LYZL2: variants seen among roughly 807,000 people sequenced by gnomAD.
LYZL2 encodes the protein lysozyme like 2.
LYZL2 carries 13 observed loss-of-function variants against 17.1 expected under a neutral mutation model. The observed-to-expected ratio is 0.76, with a 90% CI of 0.49 to 1.21. LYZL2 has a LOEUF of 1.21. Ranked by LOEUF, LYZL2 falls within the 50% of genes most tolerant of loss-of-function variation. LYZL2 has a pLI of 0.00. For synonymous variants in LYZL2, 63 were observed against 74.4 expected, an observed-to-expected ratio of 0.85 and a Z score of 0.79; for missense variants, 166 against 189.2, an observed-to-expected ratio of 0.88 and a Z score of 0.72.
chr10:30,621,890 A>G (rs1024389510), intron 3 of LYZL2, among the ~76,000 whole-genome samples: 3 of 152,216 alleles, frequency 2.0e-5, no homozygotes, highest in African/African-American at 7.2e-5. Context: ...AATTTATTTA[A>G]AAGACAATTG....
chr10:30,606,912 CT>C (rs5784208), downstream of LYZL2, among the ~76,000 whole-genome samples: 30,010 of 144,514 alleles, frequency 0.21, 3,461 homozygotes, highest in African/African-American at 0.32. Flanking sequence ...TACTTTTGGT[CT>C]TTTTTTTTTT....
At chr10:30,622,437 T>G (rs1838638222) in intron 3 of LYZL2, among the ~76,000 whole-genome samples, 1 of 151,982 alleles carries the variant, frequency 6.6e-6, no homozygotes, top group South Asian at 2.1e-4. Flanking sequence ...TAGTCCCAGC[T>G]ACTCAGGAAG....
At chr10:30,608,980 C>T (rs181751534), downstream of LYZL2, among the ~76,000 whole-genome samples, 97 of 152,246 alleles carry the variant, frequency 6.4e-4, 1 homozygote, top group African/African-American at 2.0e-3. Context: ...GCTGGAACTA[C>T]AGGTGTGCAC....
the LYZL2 span, among the ~76,000 whole-genome samples, chr10:30,606,449 A>C: frequency 6.7e-6 from 1 of 148,696 alleles, no homozygotes; most frequent in Non-Finnish European, 1.5e-5. Context: ...AACTTCCAGG[A>C]TCAATCGATC....
downstream of LYZL2, among the ~76,000 whole-genome samples, chr10:30,609,400 A>AACCAG (rs2132929031): frequency 6.6e-6 from 1 of 152,340 alleles, no homozygotes; most frequent in East Asian, 1.9e-4. Context: ...ACAACCTCCA[A>AACCAG]GTTTGGGAAA....
At chr10:30,619,697 G>A (rs1838590062) in intron 3 of LYZL2, among the ~76,000 whole-genome samples, 1 of 150,560 alleles carries the variant, frequency 6.6e-6, no homozygotes, top group African/African-American at 2.5e-5. Flanking sequence ...GGAGGCGGGA[G>A]GGATAGCATT....
At chr10:30,621,705 G>C (rs1172242989) in intron 3 of LYZL2, among the ~76,000 whole-genome samples, 1 of 152,150 alleles carries the variant, frequency 6.6e-6, no homozygotes, top group African/African-American at 2.4e-5. Context: ...CAGAAAGAAT[G>C]CTTGCTAATA....
chr10:30,614,034 AG>A (rs146208629), intron 3 of LYZL2, among the ~76,000 whole-genome samples: 17,300 of 152,236 alleles, frequency 0.11, 1,061 homozygotes, highest in South Asian at 0.18. Flanking sequence ...CTATTGCTTC[AG>A]ACATAACAAA....
chr10:30,616,830 A>G (rs567766802), intron 3 of LYZL2, among the ~76,000 whole-genome samples: 95 of 145,226 alleles, frequency 6.5e-4, no homozygotes, highest in African/African-American at 2.3e-3. Flanking sequence ...ATTCCTGCTC[A>G]TGGAACACTA....
At position 30,612,896 on chromosome 10, in the gene LYZL2, C is replaced by T. The variant is rs576697130; in HGVS notation, c.303G>A (p.Leu101=). The part of the protein sequence containing the change: ...NNHCHVACSA[L]VTDDLTDAII... ...TCGCATCTGTGAGGTCATCAGTGAC[C>T]AAGGCTGTAAAAAGAGAGGTCATCA... Residue 101 remains leucine, a synonymous_variant, in exon 4 of 5, where the codon TTG becomes TTA. Transcript: ENST00000647634. 5.8e-5 allele frequency: 94 copies of T among 1,613,576 alleles called. No homozygotes were observed. Among genetic ancestry groups the T allele is most frequent in the Admixed American group, 1.2e-4 (7 of 60,000 alleles).
At chr10:30,620,175 AAAAAAT>A (rs1388928157) in intron 3 of LYZL2, among the ~76,000 whole-genome samples, 1 of 152,234 alleles carries the variant, frequency 6.6e-6, no homozygotes, top group Admixed American at 6.5e-5. Flanking sequence ...TAGAACACAC[AAAAAAT>A]AAAAATAAAA....
At chr10:30,610,791 C>T (rs562270519), downstream of LYZL2, among the ~76,000 whole-genome samples, 36 of 152,060 alleles carry the variant, frequency 2.4e-4, no homozygotes, top group African/African-American at 8.4e-4. Flanking sequence ...TCTTCAATAG[C>T]AAGATATGTC....
intron 3 of LYZL2, among the ~76,000 whole-genome samples, chr10:30,613,646 G>C (rs1313843995): frequency 1.3e-5 from 2 of 151,948 alleles, no homozygotes; most frequent in African/African-American, 4.8e-5. Flanking sequence ...TTTTATCCAG[G>C]GTGTTTTTCA....
At chr10:30,616,000 T>C (rs1838522747) in intron 3 of LYZL2, among the ~76,000 whole-genome samples, 1 of 152,232 alleles carries the variant, frequency 6.6e-6, no homozygotes, top group African/African-American at 2.4e-5. Flanking sequence ...TTTTTTACAA[T>C]TGAAATGTAC....
intron 3 of LYZL2, among the ~76,000 whole-genome samples, chr10:30,619,706 T>A (rs1199043148): frequency 2.0e-5 from 3 of 151,730 alleles, no homozygotes; most frequent in Non-Finnish European, 2.9e-5. Flanking sequence ...AGGGATAGCA[T>A]TAGGAGATAT....
Position 30,613,616 on chromosome 10 carries a change from C to T in LYZL2, c.299-716G>A, listed in dbSNP as rs552816840. On this transcript the variant is annotated intron_variant, in intron 3 of 4. Coordinates refer to ENST00000647634, the MANE Select transcript of LYZL2 (RefSeq NM_183058.3). ...TTAAATTTTGTCTATTGTCATTTTT[C>T]AGTTTGTGTCTTAAAAAAATTTTAT... Among the ~76,000 whole-genome samples, 9 of 151,776 alleles carry T rather than the reference C, an allele frequency of 5.9e-5. No homozygotes were observed. The South Asian group carries it at 1.9e-3, about 32-fold the overall frequency.
downstream of LYZL2, among the ~76,000 whole-genome samples, chr10:30,609,322 A>G (rs1030663910): frequency 2.0e-5 from 3 of 152,168 alleles, no homozygotes; most frequent in Admixed American, 6.5e-5. Context: ...CAAGAGCACT[A>G]GGGGGTTAGA....
In LYZL2 at chr10:30,611,859, A is replaced by G; in HGVS notation, c.*96T>C. 4.4e-6 allele frequency: 7 copies of G among 1,594,862 alleles called. No homozygotes were observed. Among genetic ancestry groups the G allele is most frequent in the Non-Finnish European group, 6.0e-6 (7 of 1,173,616 alleles). On this transcript the variant is annotated 3_prime_UTR_variant, in exon 5 of 5. Transcript: ENST00000647634. ...TTTCCCTCTCCAAGTTTGAGAAGGA[A>G]TATTGGGAGGAAACGGGACAAGATG...
downstream of LYZL2, chr10:30,611,736 GGAAAGAAA>G (rs143782263): frequency 6.2e-6 from 3 of 485,140 alleles, no homozygotes; most frequent in African/African-American, 3.1e-5. Flanking sequence ...AGAAAAGAAA[GGAAAGAAA>G]GAAAGAAAGG....
Sources: gnomAD v4.1 joint callset for allele counts (sites outside exome capture counted in the v4.1 genomes callset) on GRCh38, gnomAD v4.1.1 for gene constraint, MANE v1.5 for transcripts, NCBI Gene and HGNC (gene_info 2026-07-23, HGNC 2026-07-21) for gene names.